F3: variants seen among roughly 807,000 people sequenced by gnomAD.
The protein encoded by F3 is tissue factor.
Under a neutral mutation model 33.5 loss-of-function variants are expected in F3, and 18 were observed. The ratio of observed to expected loss-of-function variants is 0.54; its 90% confidence interval spans 0.37 to 0.80. The LOEUF (loss-of-function observed/expected upper bound fraction) is 0.80. F3 is among the 30% of genes least tolerant of loss of function. F3 has a pLI of 0.00. For missense variants in F3, 353 were observed against 362.1 expected, an observed-to-expected ratio of 0.97 and a Z score of 0.20; for synonymous variants, 147 against 140.7, an observed-to-expected ratio of 1.05 and a Z score of -0.32.
chr1:94,535,043 C>T (rs1247834588), intron 3 of F3, among the ~76,000 whole-genome samples: 1 of 152,090 alleles, frequency 6.6e-6, no homozygotes, highest in Non-Finnish European at 1.5e-5. Flanking sequence ...CCACATTCAC[C>T]TGGGGTCAGG....
chr1:94,541,733 G>T lies in F3; in HGVS notation c.-97C>A. 1.5e-6 allele frequency: 1 copy of T among 683,256 alleles called. No homozygotes were observed. Among genetic ancestry groups the T allele is most frequent in the Non-Finnish European group, 2.1e-6 (1 of 468,218 alleles). 42.3% of individuals were successfully genotyped at this position (683,256 alleles called of 1,614,324 possible). On this transcript the variant is annotated 5_prime_UTR_variant, in exon 1 of 6. Coordinates refer to ENST00000334047, the MANE Select transcript of F3 (RefSeq NM_001993.5). ...GCCCTGGGCCGGCCAGAGGGAGTGC[G>T]AGGGGGTGCGGGGAGCTCGCAGTCT... is the stretch of plus-strand genomic sequence containing the variant.
At chr1:94,535,717 A>T (rs943050052) in intron 3 of F3, among the ~76,000 whole-genome samples, 3 of 152,010 alleles carry the variant, frequency 2.0e-5, no homozygotes, top group South Asian at 2.1e-4. Context: ...GTTACTGAGG[A>T]CAGTAACAGG....
At chr1:94,535,094 G>T (rs1338590917) in intron 3 of F3, among the ~76,000 whole-genome samples, 1 of 152,050 alleles carries the variant, frequency 6.6e-6, no homozygotes, top group Non-Finnish European at 1.5e-5. Context: ...AGAGGAGGAT[G>T]GTTGGTTGGT....
At chr1:94,541,506 C>T (rs1253192686) in intron 1 of F3, 31 bp downstream of exon 1, 3 of 1,436,002 alleles carry the variant, frequency 2.1e-6, no homozygotes, top group East Asian at 3.0e-5. Flanking sequence ...GTGTGGCGCG[C>T]CCCGGGCTTC....
intron 4 of F3, among the ~76,000 whole-genome samples, 164 bp from the exon 5 acceptor site, chr1:94,532,644 C>T (rs981444996): frequency 6.6e-6 from 1 of 152,194 alleles, no homozygotes; most frequent in Non-Finnish European, 1.5e-5. Context: ...TTCCCTTGAT[C>T]ACTGCTAAAA....
intron 1 of F3, chr1:94,540,600 C>A (rs1651743061): frequency 2.2e-6 from 1 of 454,974 alleles, no homozygotes; most frequent in Admixed American, 3.9e-5. Context: ...CGGCAAGGAT[C>A]TTGACATTTT....
At chr1:94,540,099 T>C (rs1296112718) in intron 2 of F3, among the ~76,000 whole-genome samples, 158 bp downstream of exon 2, 2 of 152,228 alleles carry the variant, frequency 1.3e-5, no homozygotes, top group African/African-American at 4.8e-5. Flanking sequence ...GCAGGCCTAA[T>C]AGAGTATGAC....
intron 5 of F3, among the ~76,000 whole-genome samples, chr1:94,531,934 G>A (rs546732589): frequency 5.3e-5 from 8 of 152,262 alleles, no homozygotes; most frequent in African/African-American, 1.9e-4. Flanking sequence ...GTGTCCTGCT[G>A]CAGCTGGTCC....
At chr1:94,536,724 A>G (rs1446656592) in intron 2 of F3, among the ~76,000 whole-genome samples, 1 of 152,208 alleles carries the variant, frequency 6.6e-6, no homozygotes, top group East Asian at 1.9e-4. Context: ...GTTGTTTACT[A>G]TAGTCTACTT....
chr1:94,531,053 T>C (rs555315495), intron 5 of F3, among the ~76,000 whole-genome samples: 2 of 152,116 alleles, frequency 1.3e-5, no homozygotes, highest in Middle Eastern at 3.4e-3. Flanking sequence ...CTCTCCAAGA[T>C]AGAGAACGGC....
intron 2 of F3, among the ~76,000 whole-genome samples, chr1:94,539,398 AGGCCTG>A (rs1271555256): frequency 1.3e-5 from 2 of 152,208 alleles, no homozygotes; most frequent in African/African-American, 4.8e-5. Flanking sequence ...ATGCTGTAAA[AGGCCTG>A]GCACAAGCTA....
intron 5 of F3, among the ~76,000 whole-genome samples, chr1:94,530,938 T>G (rs1020070278): frequency 3.3e-5 from 5 of 152,162 alleles, no homozygotes; most frequent in Non-Finnish European, 7.3e-5. Flanking sequence ...GAACCCTAAG[T>G]GCAAAGTGGG....
chr1:94,532,892 A>C lies in F3; in HGVS notation c.591+198T>G, dbSNP rs1651472349. On this transcript the variant is annotated intron_variant, in intron 4 of 5. Coordinates refer to ENST00000334047, the MANE Select transcript of F3 (RefSeq NM_001993.5). ...GGGTCTCCGAGGGGGCCCTGCCCAG[A>C]GTCACAGGGTAGTGCAGAGTCACAG... is the stretch of plus-strand genomic sequence containing the variant. The C allele has an allele frequency of 9.9e-6, 6 of 605,890 alleles. No homozygotes were observed. In the South Asian group the frequency reaches 1.3e-4, roughly 13 times the overall value. 37.5% of individuals were successfully genotyped at this position (605,890 alleles called of 1,614,324 possible). A position where few individuals can be genotyped will look rare whatever the true frequency, so the allele number is the denominator to read the frequency against.
At chr1:94,530,677 A>G in intron 5 of F3, 81 bp from the exon 6 acceptor site, 1 of 1,525,296 alleles carries the variant, frequency 6.6e-7, no homozygotes, top group South Asian at 1.2e-5. Context: ...CATAACCCCA[A>G]ATTACACCAT....
At chr1:94,539,172 C>T (rs981093079) in intron 2 of F3, among the ~76,000 whole-genome samples, 22 of 152,256 alleles carry the variant, frequency 1.4e-4, no homozygotes, top group African/African-American at 5.1e-4. Context: ...TTGGTGAAAT[C>T]TGAATTGACA....
At chr1:94,537,934 T>C (rs1651661825) in intron 2 of F3, among the ~76,000 whole-genome samples, 1 of 152,238 alleles carries the variant, frequency 6.6e-6, no homozygotes, top group African/African-American at 2.4e-5. Flanking sequence ...GAAAGTCTCC[T>C]AGGGCTTTCT....
Position 94,536,180 on chromosome 1 carries a change from A to C in F3, c.213-16T>G. On this transcript the variant is annotated splice_polypyrimidine_tract_variant and intron_variant, in intron 2 of 5. Transcript: ENST00000334047. ...TGACTTAGTGCTAAAGAAAGAAAAG[A>C]AGGAAGAAACATAAATGGAATGTTA... 1 of 1,611,808 alleles carries C rather than the reference A, an allele frequency of 6.2e-7. No homozygotes were observed. Among genetic ancestry groups the C allele is most frequent in the South Asian group, 1.1e-5 (1 of 91,008 alleles).
At chr1:94,538,645 TG>T (rs1363571117) in intron 2 of F3, among the ~76,000 whole-genome samples, 2 of 152,220 alleles carry the variant, frequency 1.3e-5, no homozygotes, top group African/African-American at 4.8e-5. Flanking sequence ...AGACCTGACA[TG>T]GGCACTCACC....
intron 2 of F3, 149 bp from the exon 3 acceptor site, chr1:94,536,313 GC>G (rs1242710609): frequency 1.1e-5 from 8 of 712,650 alleles, no homozygotes; most frequent in Admixed American, 2.6e-5. Flanking sequence ...TGAGCACTTT[GC>G]TTTTTTTTAA....
Sources: gnomAD v4.1 joint callset for allele counts (sites outside exome capture counted in the v4.1 genomes callset) on GRCh38, gnomAD v4.1.1 for gene constraint, MANE v1.5 for transcripts, NCBI Gene and HGNC (gene_info 2026-07-23, HGNC 2026-07-21) for gene names.